The following LAMA2 variants were observed in gnomAD, a reference collection of about 807,000 sequenced individuals.
The protein encoded by LAMA2 is laminin subunit alpha 2.
LAMA2 carries 269 observed loss-of-function variants against 364.8 expected under a neutral mutation model. The observed-to-expected ratio is 0.74, with a 90% confidence interval of 0.67 to 0.82. The LOEUF (loss-of-function observed/expected upper bound fraction) is 0.82. LAMA2 is among the 40% of genes least tolerant of loss of function. LAMA2 has a pLI of 0.00. For missense variants in LAMA2, 3,807 were observed against 3,873.2 expected (o/e 0.98, Z 0.45); for synonymous variants, 1,379 against 1,370.6 (o/e 1.01, Z -0.14).
chr6:129,098,507 G>A (rs1343380171), intron 4 of LAMA2, 92 bp downstream of exon 4: 14 of 1,430,060 alleles, frequency 9.8e-6, no homozygotes, highest in Non-Finnish European at 1.2e-5. Context: ...TAATGTCAGG[G>A]AGATTTTAAA....
chr6:129,129,894 A>T (rs1378143209), intron 4 of LAMA2, among the ~76,000 whole-genome samples: 1 of 145,312 alleles, frequency 6.9e-6, no homozygotes, highest in Non-Finnish European at 1.5e-5. Flanking sequence ...ACTGCACTCC[A>T]GCCTGGGCGA....
intron 58 of LAMA2, among the ~76,000 whole-genome samples, chr6:129,502,261 T>C (rs1785705265): frequency 6.6e-6 from 1 of 152,156 alleles, no homozygotes; most frequent in African/African-American, 2.4e-5. Flanking sequence ...AAAAAACACA[T>C]TTTGCTACTC....
chr6:128,944,549 T>A (rs1450628151), intron 1 of LAMA2, among the ~76,000 whole-genome samples: 1 of 151,452 alleles, frequency 6.6e-6, no homozygotes, highest in Admixed American at 6.6e-5. Flanking sequence ...AATCCCAGGA[T>A]TTTGGGAGGC....
rs1319822327 is a variant in LAMA2 at position 129,066,368 on chromosome 6, G to A, written c.396+6472G>A. 2.0e-5 allele frequency among the ~76,000 whole-genome samples: 3 copies of A among 152,230 alleles called. No individual in the cohort carries two copies. In the East Asian group the frequency reaches 5.8e-4, roughly 29 times the overall value. ...CCTCAGGTATGTCTTTATCAGCAGT[G>A]TAAAAACAGACTAATACAGAGATGA... On this transcript the variant is annotated intron_variant, in intron 3 of 64. Transcript: ENST00000421865.
intron 12 of LAMA2, among the ~76,000 whole-genome samples, chr6:129,239,780 A>G (rs1269093931): frequency 6.6e-6 from 1 of 152,168 alleles, no homozygotes; most frequent in Non-Finnish European, 1.5e-5. Context: ...CCTCCCAAGT[A>G]GCTGGAATTA....
At chr6:129,313,573 G>A (rs940475732) in intron 23 of LAMA2, among the ~76,000 whole-genome samples, 2 of 152,194 alleles carry the variant, frequency 1.3e-5, no homozygotes, top group East Asian at 3.9e-4. Flanking sequence ...ACATATAAAC[G>A]CTGTCATTAC....
Position 129,353,505 on chromosome 6 carries a change from A to T in LAMA2, c.4717+148A>T. 4 of 679,114 alleles carry T rather than the reference A, an allele frequency of 5.9e-6. No homozygotes were observed. In the Admixed American group the frequency reaches 7.5e-5, roughly 13 times the overall value. 42.1% of individuals were successfully genotyped at this position (679,114 alleles called of 1,614,324 possible). On this transcript the variant is annotated intron_variant, in intron 32 of 64. Transcript: ENST00000421865. ...TCATTCTTTCTGACACTATCTATCC[A>T]CCTTCTGCTGTTCACCTGCTGATTG... is the stretch of plus-strand genomic sequence containing the variant.
At chr6:129,120,080 A>G (rs183871750) in intron 4 of LAMA2, among the ~76,000 whole-genome samples, 1,935 of 152,358 alleles carry the variant, frequency 0.013, 70 homozygotes, top group Admixed American at 0.086. Flanking sequence ...TGTTGGGTCC[A>G]TAAAAGAAAC....
chr6:128,959,393 C>G (rs1240888314), intron 1 of LAMA2, among the ~76,000 whole-genome samples: 2 of 145,256 alleles, frequency 1.4e-5, no homozygotes, highest in Non-Finnish European at 2.9e-5. Flanking sequence ...ATTCCCCCCT[C>G]TTTTAGATAT....
At chr6:129,081,602 A>G (rs1306006490) in intron 3 of LAMA2, among the ~76,000 whole-genome samples, 1 of 152,172 alleles carries the variant, frequency 6.6e-6, no homozygotes, top group Non-Finnish European at 1.5e-5. Flanking sequence ...CTGTGCTGGA[A>G]GATTTGAGAA....
intron 43 of LAMA2, chr6:129,442,645 C>T: frequency 3.8e-6 from 1 of 261,196 alleles, no homozygotes; most frequent in Non-Finnish European, 7.4e-6. Context: ...GCCTAGTACC[C>T]ATTAGTTATT....
At chr6:129,225,072 G>T (rs545618840) in intron 12 of LAMA2, among the ~76,000 whole-genome samples, 1 of 152,302 alleles carries the variant, frequency 6.6e-6, no homozygotes, top group East Asian at 1.9e-4. Context: ...GAGGGTGTAT[G>T]TGTCCAGGAA....
chr6:129,222,381 T>C (rs1783917682), intron 12 of LAMA2, among the ~76,000 whole-genome samples: 1 of 151,842 alleles, frequency 6.6e-6, no homozygotes, highest in Non-Finnish European at 1.5e-5. Flanking sequence ...CTAGGGTACA[T>C]GTGCACAATG....
At chr6:129,171,136 A>T (rs1008643942) in intron 9 of LAMA2, among the ~76,000 whole-genome samples, 1 of 152,112 alleles carries the variant, frequency 6.6e-6, no homozygotes, top group Non-Finnish European at 1.5e-5. Flanking sequence ...CCAATTTGCC[A>T]GTCTGTGTCT....
At chr6:129,252,534 CAT>C (rs1258142173) in intron 14 of LAMA2, among the ~76,000 whole-genome samples, 5 of 152,088 alleles carry the variant, frequency 3.3e-5, no homozygotes, top group Non-Finnish European at 5.9e-5. Flanking sequence ...ATTGTCAGAA[CAT>C]GTGATCAATA....
At chr6:129,021,625 C>T (rs1372862865) in intron 1 of LAMA2, among the ~76,000 whole-genome samples, 1 of 152,162 alleles carries the variant, frequency 6.6e-6, no homozygotes, top group African/African-American at 2.4e-5. Flanking sequence ...ACTGAATGCC[C>T]TGAGCATCCC....
At chr6:129,378,327 CATT>C in intron 34 of LAMA2, among the ~76,000 whole-genome samples, 1 of 152,306 alleles carries the variant, frequency 6.6e-6, no homozygotes, top group East Asian at 1.9e-4. Flanking sequence ...TCATTCATAA[CATT>C]ATCAATAGCC....
chr6:129,452,340 G>C (rs1782719613), intron 45 of LAMA2, among the ~76,000 whole-genome samples: 1 of 152,114 alleles, frequency 6.6e-6, no homozygotes. Context: ...CAAAAGAAAA[G>C]GGAGCTGTTA....
chr6:128,906,891 G>T (rs1273349387), intron 1 of LAMA2, among the ~76,000 whole-genome samples: 3 of 150,950 alleles, frequency 2.0e-5, no homozygotes, highest in Non-Finnish European at 3.0e-5. Flanking sequence ...ATTAAATAGG[G>T]AATCCTTTCC....
Sources: gnomAD v4.1 joint callset for allele counts (sites outside exome capture counted in the v4.1 genomes callset) on GRCh38, gnomAD v4.1.1 for gene constraint, MANE v1.5 for transcripts, NCBI Gene and HGNC (gene_info 2026-07-23, HGNC 2026-07-21) for gene names.